The following SGCZ variants were observed in gnomAD, a reference collection of about 807,000 sequenced individuals.
SGCZ encodes zeta-sarcoglycan.
Under a neutral mutation model 41.3 loss-of-function variants are expected in SGCZ, and 40 were observed. The ratio of observed to expected loss-of-function variants is 0.97; its 90% CI spans 0.75 to 1.26. The LOEUF is 1.26. SGCZ is among the 50% of genes most tolerant of loss of function. The pLI, the probability that SGCZ is intolerant of heterozygous loss-of-function variation, is 0.00. For missense variants in SGCZ, 552 were observed against 369.8 expected (o/e 1.49, Z -4.04); for synonymous variants, 206 against 137.5 (o/e 1.50, Z -3.49).
intron 1 of SGCZ, among the ~76,000 whole-genome samples, chr8:15,003,976 G>C (rs1802513623): frequency 6.6e-6 from 1 of 152,106 alleles, no homozygotes; most frequent in African/African-American, 2.4e-5. Flanking sequence ...TAGGAAAACA[G>C]GTCAACATGA....
At chr8:14,118,026 C>A (rs1211120193) in intron 5 of SGCZ, among the ~76,000 whole-genome samples, 3 of 151,542 alleles carry the variant, frequency 2.0e-5, no homozygotes, top group African/African-American at 7.3e-5. Context: ...CTATTGTGAA[C>A]AATGCTGCAA....
intron 1 of SGCZ, among the ~76,000 whole-genome samples, chr8:15,152,937 A>G (rs1334479813): frequency 6.6e-6 from 1 of 152,162 alleles, no homozygotes; most frequent in Non-Finnish European, 1.5e-5. Context: ...GGGTAGAGGA[A>G]AGGGTTTTGC....
At chr8:14,986,087 A>G (rs1194584541) in intron 1 of SGCZ, among the ~76,000 whole-genome samples, 2 of 152,104 alleles carry the variant, frequency 1.3e-5, no homozygotes, top group Admixed American at 6.5e-5. Context: ...TGAACAATAT[A>G]TACATGTATG....
intron 1 of SGCZ, among the ~76,000 whole-genome samples, chr8:14,740,658 T>C (rs372507018): frequency 1.5e-3 from 224 of 152,156 alleles, no homozygotes; most frequent in African/African-American, 5.3e-3. Context: ...GTCAACTCTG[T>C]GCTTTCTCAG....
chr8:14,867,487 A>G (rs189126770), intron 1 of SGCZ, among the ~76,000 whole-genome samples: 1 of 152,122 alleles, frequency 6.6e-6, no homozygotes, highest in East Asian at 1.9e-4. Flanking sequence ...ATTGCTGGGT[A>G]GAATAGTATT....
chr8:14,668,617 C>G (rs1174067165), intron 1 of SGCZ, among the ~76,000 whole-genome samples: 3 of 151,868 alleles, frequency 2.0e-5, no homozygotes, highest in Non-Finnish European at 2.9e-5. Flanking sequence ...AAATAATTAC[C>G]TTTGTCCAAA....
At chr8:14,769,483 A>G (rs1020841380) in intron 1 of SGCZ, among the ~76,000 whole-genome samples, 3 of 152,156 alleles carry the variant, frequency 2.0e-5, no homozygotes, top group African/African-American at 7.2e-5. Flanking sequence ...AAAAGGAAGG[A>G]GTGGTCTTTT....
intron 2 of SGCZ, among the ~76,000 whole-genome samples, chr8:14,450,503 C>T (rs1235799467): frequency 1.3e-5 from 2 of 152,038 alleles, no homozygotes; most frequent in South Asian, 2.1e-4. Flanking sequence ...TATGCCTTAT[C>T]GAGAGTGTTC....
At chr8:14,210,026 T>C (rs763573726) in intron 4 of SGCZ, among the ~76,000 whole-genome samples, 26 of 152,032 alleles carry the variant, frequency 1.7e-4, no homozygotes, top group South Asian at 4.2e-4. Context: ...TTGATACAAC[T>C]TGTTATCTAC....
At chr8:14,093,592 A>C (rs1186580678) in intron 7 of SGCZ, among the ~76,000 whole-genome samples, 1 of 152,048 alleles carries the variant, frequency 6.6e-6, no homozygotes, top group African/African-American at 2.4e-5. Flanking sequence ...GTGGGGGGAG[A>C]TATTAACTGG....
At chr8:14,556,505 T>C (rs1343554679) in intron 1 of SGCZ, among the ~76,000 whole-genome samples, 2 of 152,026 alleles carry the variant, frequency 1.3e-5, no homozygotes, top group Non-Finnish European at 2.9e-5. Context: ...AGTTCTTTAG[T>C]GGTGATTTGT....
intron 2 of SGCZ, among the ~76,000 whole-genome samples, chr8:14,485,071 T>C (rs1350117112): frequency 1.3e-5 from 2 of 152,204 alleles, no homozygotes; most frequent in Non-Finnish European, 1.5e-5. Flanking sequence ...AGCAGGAAAG[T>C]CATGGAAGGC....
chr8:14,921,194 C>G (rs1799579019), intron 1 of SGCZ, among the ~76,000 whole-genome samples: 1 of 152,164 alleles, frequency 6.6e-6, no homozygotes, highest in South Asian at 2.1e-4. Flanking sequence ...CTTAAGAAAG[C>G]TTCCCAAGAG....
intron 6 of SGCZ, among the ~76,000 whole-genome samples, chr8:14,106,174 A>G (rs967862461): frequency 2.0e-5 from 3 of 152,364 alleles, no homozygotes; most frequent in South Asian, 2.1e-4. Context: ...ATGTGGTAAG[A>G]TAACAGTGCT....
At chr8:14,190,951 A>G (rs1805083106) in intron 4 of SGCZ, among the ~76,000 whole-genome samples, 1 of 152,138 alleles carries the variant, frequency 6.6e-6, no homozygotes, top group Non-Finnish European at 1.5e-5. Flanking sequence ...ACATCAATCT[A>G]CATTCCCACC....
intron 1 of SGCZ, among the ~76,000 whole-genome samples, chr8:14,690,115 T>TC (rs1424595949): frequency 6.8e-6 from 1 of 146,202 alleles, no homozygotes; most frequent in Non-Finnish European, 1.5e-5. Context: ...TGTTGTCTCT[T>TC]TTTTTTTTTT....
chr8:14,860,369 A>T (rs529101103), intron 1 of SGCZ, among the ~76,000 whole-genome samples: 1 of 151,928 alleles, frequency 6.6e-6, no homozygotes, highest in Non-Finnish European at 1.5e-5. Flanking sequence ...TGGTAACTGC[A>T]GACTTTAATT....
intron 1 of SGCZ, among the ~76,000 whole-genome samples, chr8:14,592,797 G>A (rs369107872): frequency 1.2e-3 from 188 of 152,284 alleles, no homozygotes; most frequent in Middle Eastern, 6.8e-3. Context: ...CAAAACTACT[G>A]AAGGAAATCA....
intron 3 of SGCZ, among the ~76,000 whole-genome samples, chr8:14,245,972 A>C (rs1418819825): frequency 6.6e-6 from 1 of 152,216 alleles, no homozygotes; most frequent in African/African-American, 2.4e-5. Context: ...GATGTGGAAA[A>C]ATAGGTACAC....
Sources: gnomAD v4.1 joint callset for allele counts (sites outside exome capture counted in the v4.1 genomes callset) on GRCh38, gnomAD v4.1.1 for gene constraint, MANE v1.5 for transcripts, NCBI Gene and HGNC (gene_info 2026-07-23, HGNC 2026-07-21) for gene names.